The following PRKG1 variants were observed in gnomAD, a reference collection of about 807,000 sequenced individuals.
The protein encoded by PRKG1 is protein kinase cGMP-dependent 1, also known as cGMP-dependent protein kinase 1.
In PRKG1, 35 loss-of-function variants were observed where a neutral mutation model predicts 88.1. That is an observed-to-expected ratio of 0.40 (90% CI 0.30 to 0.53). The LOEUF (loss-of-function observed/expected upper bound fraction) is 0.53. Ranked by LOEUF, PRKG1 falls within the 20% of genes least tolerant of loss-of-function variation. PRKG1 has a pLI of 0.59. For synonymous variants in PRKG1, 303 were observed against 292.5 expected, an observed-to-expected ratio of 1.04 and a Z score of -0.37; for missense variants, 540 against 839.8, an observed-to-expected ratio of 0.64 and a Z score of 4.41.
intron 4 of PRKG1, among the ~76,000 whole-genome samples, chr10:51,884,255 G>T (rs1841507738): frequency 6.7e-6 from 1 of 150,030 alleles, no homozygotes; most frequent in Non-Finnish European, 1.5e-5. Flanking sequence ...GACCATCCTG[G>T]CTAACACGGT....
intron 2 of PRKG1, among the ~76,000 whole-genome samples, chr10:51,439,029 C>G (rs867405235): frequency 3.3e-5 from 5 of 150,942 alleles, no homozygotes; most frequent in Middle Eastern, 6.8e-3. Flanking sequence ...AAAGAGAAAC[C>G]AATCCAACTG....
In PRKG1 at chr10:51,477,688, G is replaced by T. The variant is rs189878394; in HGVS notation, c.592+9852G>T. ...TTCTGTAAAAGTTGTTATCCTCACA[G>T]TTGGTGCTATGAAAGCAAGAAATAA... On this transcript the variant is annotated intron_variant, in intron 3 of 17. Transcript: ENST00000373980. Among the ~76,000 whole-genome samples, 579 of 152,154 alleles carry T rather than the reference G, an allele frequency of 3.8e-3. 2 individuals are homozygous for T. The highest frequency in any genetic ancestry group is 5.1e-3 in the Non-Finnish European group (346 of 67,974).
At chr10:51,730,539 G>A (rs572897629) in intron 3 of PRKG1, among the ~76,000 whole-genome samples, 9 of 152,078 alleles carry the variant, frequency 5.9e-5, no homozygotes, top group Non-Finnish European at 1.0e-4. Context: ...ATATGTAAGC[G>A]TACTTTGTAG....
chr10:51,047,644 G>A (rs930831547), intron 1 of PRKG1, among the ~76,000 whole-genome samples: 2 of 146,740 alleles, frequency 1.4e-5, no homozygotes, highest in Non-Finnish European at 3.0e-5. Flanking sequence ...AAGAGGAGAT[G>A]TTGCATCACA....
intron 2 of PRKG1, among the ~76,000 whole-genome samples, chr10:51,446,055 G>A (rs556021712): frequency 6.6e-6 from 1 of 151,912 alleles, no homozygotes; most frequent in South Asian, 2.1e-4. Flanking sequence ...TAATCCAACG[G>A]TCCTGAATTT....
rs964865474 is a variant in PRKG1 at position 51,464,304 on chromosome 10, T to C, written c.479-3419T>C. ...ATCTCAAAAAAAAAAGCAGTGCTTT[T>C]TGGATCATTCTCATCTATCATATGA... On this transcript the variant is annotated intron_variant, in intron 2 of 17. Coordinates refer to ENST00000373980, the MANE Select transcript of PRKG1 (RefSeq NM_006258.4). Among the ~76,000 whole-genome samples the C allele has an allele frequency of 3.3e-5, 5 of 152,008 alleles. No homozygotes were observed. The South Asian group carries it at 1.0e-3, about 32-fold the overall frequency.
intron 2 of PRKG1, among the ~76,000 whole-genome samples, chr10:51,164,212 C>T (rs965039687): frequency 9.9e-5 from 15 of 152,168 alleles, no homozygotes; most frequent in African/African-American, 1.2e-4. Context: ...TCCAGAGGAA[C>T]GATCAGACAG....
At chr10:51,926,055 T>C (rs1230219097) in intron 5 of PRKG1, among the ~76,000 whole-genome samples, 2 of 152,272 alleles carry the variant, frequency 1.3e-5, no homozygotes, top group South Asian at 2.1e-4. Flanking sequence ...AGAAAAACAT[T>C]TCCTAATAAT....
intron 3 of PRKG1, among the ~76,000 whole-genome samples, chr10:51,510,755 T>G (rs1240419603): frequency 2.0e-5 from 3 of 151,300 alleles, no homozygotes; most frequent in African/African-American, 7.3e-5. Flanking sequence ...TTTTTTTTTT[T>G]TTTTTTGAGA....
intron 4 of PRKG1, among the ~76,000 whole-genome samples, chr10:51,825,668 T>C (rs1434307652): frequency 6.6e-6 from 1 of 152,116 alleles, no homozygotes; most frequent in African/African-American, 2.4e-5. Context: ...CCCCTGGAAA[T>C]ACAATAAGGA....
At chr10:51,597,822 C>A (rs1010691944) in intron 3 of PRKG1, among the ~76,000 whole-genome samples, 8 of 152,096 alleles carry the variant, frequency 5.3e-5, no homozygotes, top group Non-Finnish European at 7.4e-5. Flanking sequence ...TCTGACATTC[C>A]TCAAAAGAAT....
At chr10:51,159,090 G>A (rs1349211918) in intron 2 of PRKG1, among the ~76,000 whole-genome samples, 4 of 151,972 alleles carry the variant, frequency 2.6e-5, no homozygotes, top group African/African-American at 7.2e-5. Flanking sequence ...AGCCACCGTC[G>A]ACAGTAAACT....
chr10:51,206,359 G>T (rs1838060016), intron 2 of PRKG1, among the ~76,000 whole-genome samples: 1 of 151,946 alleles, frequency 6.6e-6, no homozygotes, highest in Admixed American at 6.6e-5. Context: ...CAGGCGTGGG[G>T]GTGGGCGCCT....
intron 6 of PRKG1, among the ~76,000 whole-genome samples, chr10:52,056,636 T>C (rs1846117280): frequency 6.6e-6 from 1 of 152,200 alleles, no homozygotes; most frequent in South Asian, 2.1e-4. Context: ...TTAGACTCTC[T>C]TGACACATTC....
In PRKG1 at chr10:51,633,398, G is replaced by T. The variant is rs564619679; in HGVS notation, c.592+165562G>T. Among the ~76,000 whole-genome samples, 86 of 151,794 alleles carry T rather than the reference G, an allele frequency of 5.7e-4. 4 individuals carry two copies. In the South Asian group the frequency reaches 0.018, roughly 31 times the overall value. ...GCTGAACATCCTGAAGCAAGCGAGG[G>T]AAAATATAAAGCATTGCAAACTCAA... On this transcript the variant is annotated intron_variant, in intron 3 of 17. Transcript: ENST00000373980.
intron 2 of PRKG1, among the ~76,000 whole-genome samples, chr10:51,295,425 A>G (rs952596422): frequency 4.6e-5 from 7 of 152,034 alleles, no homozygotes; most frequent in Non-Finnish European, 7.4e-5. Context: ...TTTTCCTTTT[A>G]GATAGTTTGT....
intron 5 of PRKG1, among the ~76,000 whole-genome samples, chr10:51,961,987 T>C (rs917646197): frequency 4.6e-5 from 7 of 152,308 alleles, no homozygotes; most frequent in African/African-American, 1.4e-4. Context: ...TCGGACATCA[T>C]GCCCTTTTAA....
chr10:52,126,272 AC>A (rs2132620862), intron 7 of PRKG1, among the ~76,000 whole-genome samples: 1 of 152,076 alleles, frequency 6.6e-6, no homozygotes, highest in African/African-American at 2.4e-5. Context: ...AAATATATTA[AC>A]CTTTGGCAAA....
chr10:51,734,884 G>C (rs1005303845), intron 3 of PRKG1, among the ~76,000 whole-genome samples: 23 of 151,232 alleles, frequency 1.5e-4, no homozygotes, highest in Admixed American at 1.4e-3. Context: ...AAACATATAG[G>C]CTCATTTAAA....
Sources: gnomAD v4.1 joint callset for allele counts (sites outside exome capture counted in the v4.1 genomes callset) on GRCh38, gnomAD v4.1.1 for gene constraint, MANE v1.5 for transcripts, NCBI Gene and HGNC (gene_info 2026-07-23, HGNC 2026-07-21) for gene names.